Variants in CLASP2 observed in about 807,000 individuals in gnomAD.
The protein encoded by CLASP2 is cytoplasmic linker associated protein 2, also known as CLIP-associating protein 2.
In CLASP2, 47 loss-of-function variants were observed where a neutral mutation model predicts 194.4. That is an observed-to-expected ratio of 0.24 (90% confidence interval 0.19 to 0.31). The LOEUF is 0.31. CLASP2 is among the 10% of genes least tolerant of loss of function. The pLI, the probability that CLASP2 is intolerant of heterozygous loss-of-function variation, is 1.00. For missense variants in CLASP2, 1,445 were observed against 1,823.6 expected, an observed-to-expected ratio of 0.79 and a Z score of 3.78; for synonymous variants, 619 against 633.5, an observed-to-expected ratio of 0.98 and a Z score of 0.34.
At chr3:33,630,234 G>A (rs1462101537) in intron 9 of CLASP2, among the ~76,000 whole-genome samples, 1 of 152,122 alleles carries the variant, frequency 6.6e-6, no homozygotes, top group Non-Finnish European at 1.5e-5. Context: ...TACTGTCATA[G>A]CCTCACAATA....
chr3:33,555,946 T>C (rs1172347812), intron 29 of CLASP2, among the ~76,000 whole-genome samples: 2 of 152,150 alleles, frequency 1.3e-5, no homozygotes, highest in South Asian at 2.1e-4. Flanking sequence ...TGAACATGTA[T>C]ATTTATTAGG....
intron 18 of CLASP2, among the ~76,000 whole-genome samples, chr3:33,597,278 T>C (rs1401732318): frequency 6.6e-6 from 1 of 152,152 alleles, no homozygotes; most frequent in African/African-American, 2.4e-5. Flanking sequence ...TAGAGAAAAT[T>C]ACACAACCAT....
At chr3:33,648,702 A>G (rs960211490) in intron 7 of CLASP2, among the ~76,000 whole-genome samples, 5 of 152,190 alleles carry the variant, frequency 3.3e-5, no homozygotes, top group African/African-American at 1.2e-4. Context: ...ATTTTTTTCT[A>G]AATAACTATG....
intron 26 of CLASP2, among the ~76,000 whole-genome samples, chr3:33,570,181 T>C (rs2063482405): frequency 6.6e-6 from 1 of 152,136 alleles, no homozygotes; most frequent in Non-Finnish European, 1.5e-5. Flanking sequence ...TAAATAAATA[T>C]ATTTTAATCA....
At chr3:33,647,584 T>C (rs536961098) in intron 7 of CLASP2, among the ~76,000 whole-genome samples, 1 of 152,342 alleles carries the variant, frequency 6.6e-6, no homozygotes, top group South Asian at 2.1e-4. Flanking sequence ...TACTCAATTA[T>C]GACATTATAG....
rs938507911 is a variant in CLASP2 at position 33,586,775 on chromosome 3, G to A, written c.2069-1855C>T. Among the ~76,000 whole-genome samples, 8 of 152,032 alleles carry A rather than the reference G, an allele frequency of 5.3e-5. No homozygotes were observed. In the East Asian group the frequency reaches 9.7e-4, roughly 18 times the overall value. On this transcript the variant is annotated intron_variant, in intron 21 of 38. Coordinates refer to ENST00000682230, the MANE Select transcript of CLASP2 (RefSeq NM_001365631.1). Reference sequence around the variant, plus strand: ...GGGCACTACTTCTACCCAGTAAGAGGGCTGTATGATTATATGTTATACAGT... The same window carrying A: ...GGGCACTACTTCTACCCAGTAAGAGAGCTGTATGATTATATGTTATACAGT...
chr3:33,688,222 T>A (rs1287771635), intron 4 of CLASP2, 55 bp downstream of exon 4: 2 of 1,388,356 alleles, frequency 1.4e-6, no homozygotes, highest in East Asian at 2.6e-5. Flanking sequence ...GAACTGAGGT[T>A]TTTTTTAGAG....
intron 6 of CLASP2, among the ~76,000 whole-genome samples, chr3:33,674,666 T>C (rs1406390662): frequency 1.3e-5 from 2 of 151,754 alleles, no homozygotes; most frequent in African/African-American, 4.8e-5. Flanking sequence ...TTGAAAGGAT[T>C]AACAAAATTG....
At chr3:33,530,311 CA>C (rs888022354) in intron 34 of CLASP2, among the ~76,000 whole-genome samples, 4 of 150,678 alleles carry the variant, frequency 2.7e-5, no homozygotes, top group Non-Finnish European at 4.4e-5. Context: ...CCTAACTTTA[CA>C]AAAAAAAATT....
chr3:33,633,070 T>C (rs369021813), intron 8 of CLASP2, among the ~76,000 whole-genome samples: 1 of 152,218 alleles, frequency 6.6e-6, no homozygotes, highest in African/African-American at 2.4e-5. Flanking sequence ...TTCTTCCTGA[T>C]TGCTTTCCAT....
At chr3:33,552,617 A>G (rs1395792100) in intron 29 of CLASP2, among the ~76,000 whole-genome samples, 2 of 152,170 alleles carry the variant, frequency 1.3e-5, no homozygotes, top group Non-Finnish European at 2.9e-5. Context: ...TTTAATGTGT[A>G]CAAGTTTTGA....
Position 33,508,424 on chromosome 3 carries a change from G to A in CLASP2, c.4317+2134C>T, listed in dbSNP as rs371470070. On this transcript the variant is annotated intron_variant, in intron 37 of 38. Transcript: ENST00000682230. ...TGGCTCACTGCAACCTCTACCTCCC[G>A]GGTTCACGCCATTCTCCCGCCCCAG... is the stretch of plus-strand genomic sequence containing the variant. 6.6e-5 allele frequency among the ~76,000 whole-genome samples: 10 copies of A among 152,182 alleles called. No individual in the cohort carries two copies. The East Asian group carries it at 1.5e-3, about 24-fold the overall frequency.
intron 1 of CLASP2, among the ~76,000 whole-genome samples, chr3:33,700,848 C>A (rs1373735150): frequency 6.6e-6 from 1 of 152,026 alleles, no homozygotes; most frequent in Non-Finnish European, 1.5e-5. Flanking sequence ...GAAACTCCGT[C>A]TCAAAAAAAT....
chr3:33,673,422 TA>T (rs1444026136), intron 6 of CLASP2, among the ~76,000 whole-genome samples: 6 of 152,072 alleles, frequency 3.9e-5, no homozygotes, highest in Admixed American at 3.9e-4. Context: ...AGGCCTGCCC[TA>T]AAAGAGCTCC....
intron 37 of CLASP2, among the ~76,000 whole-genome samples, chr3:33,507,633 C>G (rs1008097428): frequency 6.6e-6 from 1 of 152,024 alleles, no homozygotes; most frequent in Non-Finnish European, 1.5e-5. Flanking sequence ...AGGCACATGC[C>G]ATCACGCCTG....
At chr3:33,576,825 C>G (rs1162448752) in intron 23 of CLASP2, among the ~76,000 whole-genome samples, 2 of 151,966 alleles carry the variant, frequency 1.3e-5, no homozygotes, top group East Asian at 3.9e-4. Flanking sequence ...CATACAGAGA[C>G]AAACCAGAGA....
At chr3:33,641,196 C>T (rs995230001) in intron 8 of CLASP2, among the ~76,000 whole-genome samples, 3 of 151,496 alleles carry the variant, frequency 2.0e-5, no homozygotes, top group African/African-American at 7.3e-5. Context: ...TATATAAGAA[C>T]ATTAAAGAAT....
At chr3:33,519,431 A>C (rs923938753) in intron 34 of CLASP2, among the ~76,000 whole-genome samples, 1 of 152,182 alleles carries the variant, frequency 6.6e-6, no homozygotes, top group Non-Finnish European at 1.5e-5. Context: ...ATTTCTATAA[A>C]AGTTATAGAA....
At chr3:33,577,318 G>C in intron 23 of CLASP2, 1 of 1,411,610 alleles carries the variant, frequency 7.1e-7, no homozygotes, top group East Asian at 2.3e-5. Flanking sequence ...ACAAGGAATA[G>C]TGGCAGCACT....
Sources: allele counts gnomAD v4.1 joint callset (sites outside exome capture counted in the v4.1 genomes callset), GRCh38; gene constraint gnomAD v4.1.1; transcripts MANE v1.5; gene names NCBI Gene and HGNC (gene_info 2026-07-23, HGNC 2026-07-21).